Variants in RANBP2 observed in about 807,000 individuals in gnomAD.
RANBP2 encodes E3 SUMO-protein ligase RanBP2.
RANBP2 carries 57 observed loss-of-function variants against 303.6 expected under a neutral mutation model. The ratio of observed to expected loss-of-function variants is 0.19; its 90% CI spans 0.15 to 0.23. RANBP2 has a LOEUF of 0.23. Ranked by LOEUF, RANBP2 falls within the 10% of genes least tolerant of loss-of-function variation. The pLI is 1.00. For synonymous variants in RANBP2, 1,167 were observed against 1,301.5 expected (o/e 0.90, Z 2.23); for missense variants, 3,138 against 3,780.8 (o/e 0.83, Z 4.46).
At chr2:109,147,576 A>G in the RANBP2 span, among the ~76,000 whole-genome samples, 124 of 152,350 alleles carry the variant, frequency 8.1e-4, no homozygotes, top group Middle Eastern at 3.4e-3. Context: ...AAAGAGGCCT[A>G]GTCAATTATT....
chr2:108,984,480 T>C, the RANBP2 span, among the ~76,000 whole-genome samples: 2 of 152,078 alleles, frequency 1.3e-5, no homozygotes, highest in African/African-American at 4.8e-5. Context: ...CTCCTTCTGT[T>C]CAACCCTCCT....
At chr2:109,407,365 G>A in the RANBP2 span, among the ~76,000 whole-genome samples, 9 of 152,216 alleles carry the variant, frequency 5.9e-5, no homozygotes, top group Non-Finnish European at 1.3e-4. Flanking sequence ...AAGTAAATGA[G>A]GAGAGTTCCT....
the RANBP2 span, among the ~76,000 whole-genome samples, chr2:109,519,356 G>A: frequency 6.6e-6 from 1 of 152,130 alleles, no homozygotes; most frequent in Non-Finnish European, 1.5e-5. Context: ...CTCCAGCATT[G>A]GGGATTACAT....
chr2:109,478,109 G>A, the RANBP2 span, among the ~76,000 whole-genome samples: 1 of 152,258 alleles, frequency 6.6e-6, no homozygotes, highest in African/African-American at 2.4e-5. Flanking sequence ...CAAGGGCTTT[G>A]AGCTCTGCAG....
chr2:109,412,950 T>A, the RANBP2 span, among the ~76,000 whole-genome samples: 1 of 152,172 alleles, frequency 6.6e-6, no homozygotes, highest in African/African-American at 2.4e-5. Context: ...TCCAGGCCTG[T>A]CCATGGAGAC....
chr2:109,002,079 G>A, the RANBP2 span, among the ~76,000 whole-genome samples: 1 of 152,214 alleles, frequency 6.6e-6, no homozygotes, highest in East Asian at 1.9e-4. Flanking sequence ...TCCAAGAGTA[G>A]GGAGTTGGTG....
chr2:108,831,156 G>A, the RANBP2 span, among the ~76,000 whole-genome samples: 1 of 151,948 alleles, frequency 6.6e-6, no homozygotes, highest in African/African-American at 2.4e-5. Context: ...TCCAGCCTGA[G>A]TTATAGAGCG....
At chr2:109,723,615 G>GT in the RANBP2 span, among the ~76,000 whole-genome samples, 27 of 151,724 alleles carry the variant, frequency 1.8e-4, no homozygotes, top group Non-Finnish European at 2.7e-4. Context: ...TTTTAATGGG[G>GT]TTTTTTTTCC....
chr2:109,038,319 A>C, the RANBP2 span, among the ~76,000 whole-genome samples: 1 of 152,178 alleles, frequency 6.6e-6, no homozygotes, highest in African/African-American at 2.4e-5. Context: ...AGATATATGA[A>C]TTGAACCTCA....
chr2:109,219,547 A>G, the RANBP2 span, among the ~76,000 whole-genome samples: 2 of 152,242 alleles, frequency 1.3e-5, no homozygotes, highest in Non-Finnish European at 2.9e-5. Flanking sequence ...TCTTATGCAT[A>G]GAAAACTCTA....
At chr2:109,076,676 T>A in the RANBP2 span, among the ~76,000 whole-genome samples, 5 of 150,246 alleles carry the variant, frequency 3.3e-5, no homozygotes, top group Admixed American at 3.3e-4. Flanking sequence ...AGAAATAAAT[T>A]TAACCAAGGA....
At chr2:109,153,178 C>T in the RANBP2 span, among the ~76,000 whole-genome samples, 1 of 152,304 alleles carries the variant, frequency 6.6e-6, no homozygotes, top group East Asian at 1.9e-4. Flanking sequence ...TAAACTTATG[C>T]ACTGCAGCGT....
the RANBP2 span, among the ~76,000 whole-genome samples, chr2:109,222,442 T>G: frequency 6.6e-6 from 1 of 152,236 alleles, no homozygotes; most frequent in South Asian, 2.1e-4. Flanking sequence ...AAATATTATA[T>G]GTACCCCATA....
chr2:109,365,578 G>A, the RANBP2 span, among the ~76,000 whole-genome samples: 1 of 152,054 alleles, frequency 6.6e-6, no homozygotes, highest in Non-Finnish European at 1.5e-5. Flanking sequence ...ACTGGGAGCC[G>A]GACACCCCCC....
intron 1 of RANBP2, among the ~76,000 whole-genome samples, chr2:108,725,048 C>T (rs1694584053): frequency 6.6e-6 from 1 of 152,178 alleles, no homozygotes; most frequent in African/African-American, 2.4e-5. Context: ...ACATCTCTAT[C>T]TTACTGTGCA....
chr2:108,895,200 C>A, the RANBP2 span: 1 of 152,654 alleles, frequency 6.6e-6, no homozygotes, highest in African/African-American at 2.4e-5. Flanking sequence ...TTATGATCCT[C>A]TCACAGTATG....
chr2:109,114,547 C>T, the RANBP2 span, among the ~76,000 whole-genome samples: 26 of 151,628 alleles, frequency 1.7e-4, no homozygotes, highest in Middle Eastern at 0.031. Context: ...GTCTTGCTAG[C>T]GGTCTATCAA....
the RANBP2 span, among the ~76,000 whole-genome samples, chr2:109,412,128 C>T: frequency 4.6e-5 from 7 of 152,374 alleles, no homozygotes; most frequent in East Asian, 5.8e-4. Flanking sequence ...GATGCCGGCA[C>T]AGATGGGATG....
chr2:109,631,455 T>C, the RANBP2 span, among the ~76,000 whole-genome samples: 3 of 152,246 alleles, frequency 2.0e-5, no homozygotes, highest in Non-Finnish European at 4.4e-5. Flanking sequence ...ATGACATCTA[T>C]AATAATTTAT....
Sources: allele counts gnomAD v4.1 joint callset (sites outside exome capture counted in the v4.1 genomes callset), GRCh38; gene constraint gnomAD v4.1.1; transcripts MANE v1.5; gene names NCBI Gene and HGNC (gene_info 2026-07-23, HGNC 2026-07-21).